CREB5: variants seen among roughly 807,000 people sequenced by gnomAD.
CREB5 encodes the protein cAMP responsive element binding protein 5.
Under a neutral mutation model 57.1 loss-of-function variants are expected in CREB5, and 19 were observed. The ratio of observed to expected loss-of-function variants is 0.33; its 90% confidence interval spans 0.23 to 0.49. CREB5 has a LOEUF of 0.49. Ranked by LOEUF, CREB5 falls within the 20% of genes least tolerant of loss-of-function variation. The pLI, the probability that CREB5 is intolerant of heterozygous loss-of-function variation, is 0.99. For synonymous variants in CREB5, 238 were observed against 238.3 expected (o/e 1.00, Z 0.01); for missense variants, 579 against 671.6 (o/e 0.86, Z 1.52).
Position 28,424,320 on chromosome 7 carries a change from A to G in CREB5, c.3+11403A>G, listed in dbSNP as rs140821750. On this transcript the variant is annotated intron_variant, in intron 1 of 10. Transcript: ENST00000357727. ...ACCACTACAGCAGGTGTGTCCAGCA[A>G]GAAGGCAGCACCCAGGTCAGGTAAT... Among the ~76,000 whole-genome samples the G allele has an allele frequency of 1.1e-3, 161 of 152,354 alleles. 1 individual carries two copies. The highest frequency in any genetic ancestry group is 3.8e-3 in the African/African-American group (156 of 41,576).
chr7:28,446,144 C>T (rs372287344), intron 1 of CREB5, among the ~76,000 whole-genome samples: 130 of 152,270 alleles, frequency 8.5e-4, no homozygotes, highest in African/African-American at 2.8e-3. Flanking sequence ...TTATTCCCTT[C>T]GACAGTCTGC....
chr7:28,574,753 T>G (rs886287629), intron 5 of CREB5, among the ~76,000 whole-genome samples: 1 of 152,178 alleles, frequency 6.6e-6, no homozygotes, highest in East Asian at 1.9e-4. Context: ...GTATTCTGGT[T>G]AAGAGAATGA....
intron 4 of CREB5, among the ~76,000 whole-genome samples, chr7:28,555,342 C>A (rs1262435616): frequency 6.6e-6 from 1 of 152,202 alleles, no homozygotes; most frequent in African/African-American, 2.4e-5. Context: ...GTAGGCAAAG[C>A]CACTTCACAA....
chr7:28,651,521 C>T lies in CREB5; in HGVS notation c.465-67232C>T, dbSNP rs902875216. 2.0e-5 allele frequency among the ~76,000 whole-genome samples: 3 copies of T among 152,098 alleles called. No homozygotes were observed. The East Asian group carries it at 5.8e-4, about 29-fold the overall frequency. Reference sequence around the variant, plus strand: ...CTTTGAGAGGCCAAGGTGGCAGGATCGCTTGAGCCCAGGAGTTTGAGACCA... The same window carrying T: ...CTTTGAGAGGCCAAGGTGGCAGGATTGCTTGAGCCCAGGAGTTTGAGACCA... On this transcript the variant is annotated intron_variant, in intron 5 of 10. Transcript: ENST00000357727.
intron 4 of CREB5, among the ~76,000 whole-genome samples, chr7:28,563,812 T>C (rs1795372442): frequency 3.3e-5 from 1 of 30,298 alleles, no homozygotes; most frequent in Non-Finnish European, 5.0e-5. Context: ...ACCTTGTGTG[T>C]GTTTCTTACC....
At chr7:28,764,130 T>C (rs564112933) in intron 7 of CREB5, among the ~76,000 whole-genome samples, 2 of 152,160 alleles carry the variant, frequency 1.3e-5, no homozygotes, top group African/African-American at 4.8e-5. Flanking sequence ...GTCAGTAGTA[T>C]AGAAATTACA....
intron 6 of CREB5, among the ~76,000 whole-genome samples, chr7:28,721,815 T>G (rs1384016693): frequency 6.6e-6 from 1 of 152,220 alleles, no homozygotes; most frequent in East Asian, 1.9e-4. Context: ...AATGCTTTAA[T>G]AATTTGGAAG....
chr7:28,765,619 T>C (rs1805921003), intron 7 of CREB5, among the ~76,000 whole-genome samples: 2 of 152,182 alleles, frequency 1.3e-5, no homozygotes, highest in Non-Finnish European at 2.9e-5. Context: ...AGGAGAGGGC[T>C]AGCACCAGCA....
intron 1 of CREB5, among the ~76,000 whole-genome samples, chr7:28,416,635 T>C (rs1325076078): frequency 1.3e-5 from 2 of 152,178 alleles, no homozygotes; most frequent in African/African-American, 4.8e-5. Flanking sequence ...CACTGACTCC[T>C]AGGAGGAGAA....
At chr7:28,349,035 T>C (rs568501558) in intron 1 of CREB5, among the ~76,000 whole-genome samples, 2 of 152,338 alleles carry the variant, frequency 1.3e-5, no homozygotes, top group East Asian at 3.9e-4. Flanking sequence ...AGGTGCAGGC[T>C]TACCAATGCA....
At chr7:28,683,236 G>A (rs974876928) in intron 5 of CREB5, among the ~76,000 whole-genome samples, 14 of 152,290 alleles carry the variant, frequency 9.2e-5, no homozygotes, top group South Asian at 4.1e-4. Context: ...AGTCAGAGGG[G>A]CATTTCTTTT....
At chr7:28,582,223 A>T (rs1412421596) in intron 5 of CREB5, among the ~76,000 whole-genome samples, 1 of 151,566 alleles carries the variant, frequency 6.6e-6, no homozygotes, top group Non-Finnish European at 1.5e-5. Flanking sequence ...GTAAAATTTC[A>T]TGGGAGTATA....
intron 7 of CREB5, among the ~76,000 whole-genome samples, chr7:28,746,667 G>A (rs1336518075): frequency 2.0e-5 from 3 of 152,160 alleles, no homozygotes; most frequent in Non-Finnish European, 4.4e-5. Flanking sequence ...TTCCTATCAA[G>A]TCCTTTTGCA....
At chr7:28,732,513 G>A (rs1450152283) in intron 7 of CREB5, among the ~76,000 whole-genome samples, 4 of 151,956 alleles carry the variant, frequency 2.6e-5, no homozygotes. Flanking sequence ...GTCTGCTTTG[G>A]AACATTGTGC....
At chr7:28,515,314 G>T (rs890344810) in intron 4 of CREB5, among the ~76,000 whole-genome samples, 6 of 152,164 alleles carry the variant, frequency 3.9e-5, no homozygotes, top group African/African-American at 1.4e-4. Context: ...GTCCAGCTCT[G>T]CCTCCCTGTC....
At chr7:28,558,961 A>T (rs1380552457) in intron 4 of CREB5, among the ~76,000 whole-genome samples, 2 of 152,178 alleles carry the variant, frequency 1.3e-5, no homozygotes, top group African/African-American at 4.8e-5. Context: ...CCGCCAGACT[A>T]GATTTGCAGT....
chr7:28,410,636 G>A (rs1195833724), upstream of CREB5: 1 of 443,530 alleles, frequency 2.3e-6, no homozygotes, highest in African/African-American at 2.0e-5. Flanking sequence ...CTCAAGGCCG[G>A]GGACTGGAGC....
At chr7:28,769,229 A>G (rs1423097651) in intron 7 of CREB5, among the ~76,000 whole-genome samples, 1 of 152,242 alleles carries the variant, frequency 6.6e-6, no homozygotes, top group East Asian at 1.9e-4. Context: ...TTGTTTGCTT[A>G]TGAACCTCTA....
At chr7:28,424,680 A>G (rs1583446713) in intron 1 of CREB5, among the ~76,000 whole-genome samples, 1 of 152,368 alleles carries the variant, frequency 6.6e-6, no homozygotes, top group East Asian at 1.9e-4. Context: ...CCATGAGAAG[A>G]AAGAATTAAA....
Sources: gnomAD v4.1 joint callset for allele counts (sites outside exome capture counted in the v4.1 genomes callset) on GRCh38, gnomAD v4.1.1 for gene constraint, MANE v1.5 for transcripts, NCBI Gene and HGNC (gene_info 2026-07-23, HGNC 2026-07-21) for gene names.